STAB2: variants seen among roughly 807,000 people sequenced by gnomAD.
STAB2 encodes the protein stabilin-2.
In STAB2, 288 loss-of-function variants were observed where a neutral mutation model predicts 338.1. That is an observed-to-expected ratio of 0.85 (90% CI 0.77 to 0.94). STAB2 has a LOEUF of 0.94. STAB2 is among the 40% of genes least tolerant of loss of function. The probability of loss-of-function intolerance (pLI) is 0.00; values close to 1 mark genes in which losing one functional copy is unlikely to be tolerated. For synonymous variants in STAB2, 1,202 were observed against 1,193.3 expected (o/e 1.01, Z -0.15); for missense variants, 3,141 against 3,210.1 (o/e 0.98, Z 0.52).
intron 25 of STAB2, among the ~76,000 whole-genome samples, chr12:103,677,960 T>C (rs1367103976): frequency 1.3e-5 from 2 of 152,186 alleles, no homozygotes; most frequent in Non-Finnish European, 2.9e-5. Context: ...TCACTCACTG[T>C]CATTTAATGG....
At chr12:103,729,122 C>T in intron 48 of STAB2, 127 bp downstream of exon 48, 1 of 848,972 alleles carries the variant, frequency 1.2e-6, no homozygotes, top group East Asian at 2.6e-5. Flanking sequence ...GCTGCATGTC[C>T]TCACTTACAA....
chr12:103,676,218 C>CG (rs1433334711), intron 24 of STAB2, among the ~76,000 whole-genome samples, 197 bp downstream of exon 24: 1 of 151,988 alleles, frequency 6.6e-6, no homozygotes, highest in African/African-American at 2.4e-5. Flanking sequence ...CGTGCCACCA[C>CG]CCCGGCTAAT....
chr12:103,677,607 G>T lies in STAB2; in HGVS notation c.2801G>T (p.Gly934Val). 6.2e-7 allele frequency: 1 copy of T among 1,610,494 alleles called. No homozygotes were observed. The highest frequency in any genetic ancestry group is 8.5e-7 in the Non-Finnish European group (1 of 1,176,990). The stretch of plus-strand genomic sequence containing the variant: ...GCATCCTGTTTGTATGTGGGTCCCG[G>T]GCAGGTAGGTTGGATGTCATGAGAG... ...DNASCLYVGP[G>V]QNECECKKGF... is the part of the protein sequence containing the mutation. Residue 934 changes from glycine (G) to valine (V), a missense_variant, in exon 25 of 69, where the codon GGG (glycine) becomes GTG (valine). Coordinates refer to ENST00000388887, the MANE Select transcript of STAB2 (RefSeq NM_017564.10).
In STAB2 at chr12:103,677,564, G is replaced by A. The variant is rs1876500155; in HGVS notation, c.2758G>A (p.Gly920Ser). ...CAACAACTGCCTGCTGCCCAGTGCA[G>A]GCGGCTGCCACGACAACGCATCCTG... ...EINNCLLPSAGGCHDNASCLY... is the reference protein window; with the variant it reads ...EINNCLLPSASGCHDNASCLY... Residue 920 changes from glycine (G) to serine (S), a missense_variant, in exon 25 of 69, where the codon GGC becomes AGC. Physicochemically the swap from Gly to Ser is moderately conservative, Grantham distance 56. Transcript: ENST00000388887. 6.2e-7 allele frequency: 1 copy of A among 1,614,144 alleles called. No individual in the cohort carries two copies. The highest frequency in any genetic ancestry group is 8.5e-7 in the Non-Finnish European group (1 of 1,179,954).
At chr12:103,667,431 G>GT (rs1413677246) in intron 19 of STAB2, among the ~76,000 whole-genome samples, 2 of 152,198 alleles carry the variant, frequency 1.3e-5, no homozygotes, top group African/African-American at 4.8e-5. Context: ...CTAAGGCAAG[G>GT]AAACGTAAAC....
Position 103,759,272 on chromosome 12 carries a change from C to G in STAB2, c.7247C>G (p.Pro2416Arg), listed in dbSNP as rs200872873. 2.7e-5 allele frequency: 44 copies of G among 1,613,924 alleles called. No homozygotes were observed. The East Asian group carries it at 8.2e-4, about 30-fold the overall frequency. ...ACTGCCAGCCAGGACCCACTCCAAC[C>G]GGTACAAAGTCTTCTGGGCTTCTTG... ...LITASQDPLQ[P>R]TETRFVDGRA... The change falls in exon 65 of 69, where the codon CCG (proline) becomes CGG (arginine). Residue 2416 changes from proline (P) to arginine (R), a missense_variant and splice_region_variant. Transcript: ENST00000388887.
chr12:103,677,539 C>T lies in STAB2; in HGVS notation c.2733C>T (p.Ile911=). ...GGAATGGGAGAGACTGCTCGGAGAT[C>T]AACAACTGCCTGCTGCCCAGTGCAG... is the stretch of plus-strand genomic sequence containing the variant. ...WTGNGRDCSE[I]NNCLLPSAGG... The change falls in exon 25 of 69, where the codon ATC becomes ATT. Residue 911 remains isoleucine, a synonymous_variant. Transcript: ENST00000388887. The T allele has an allele frequency of 6.2e-7, 1 of 1,614,184 alleles. No individual in the cohort carries two copies. The highest frequency in any genetic ancestry group is 8.5e-7 in the Non-Finnish European group (1 of 1,180,016).
intron 57 of STAB2, chr12:103,746,379 G>A: frequency 2.3e-6 from 1 of 437,724 alleles, no homozygotes; most frequent in East Asian, 3.8e-5. Flanking sequence ...AAATCTCAAT[G>A]ACATTGCAGA....
At chr12:103,684,864 C>T (rs1398540620) in intron 26 of STAB2, 125 bp from the exon 27 acceptor site, 3 of 778,862 alleles carry the variant, frequency 3.9e-6, no homozygotes, top group Admixed American at 2.1e-5. Context: ...CTATGGGTTA[C>T]TTCTACCATC....
At chr12:103,736,820 T>C (rs1279223864) in intron 52 of STAB2, among the ~76,000 whole-genome samples, 4 of 152,074 alleles carry the variant, frequency 2.6e-5, no homozygotes, top group African/African-American at 9.7e-5. Flanking sequence ...CTCCATCCCA[T>C]CCATAGATGC....
rs118141230 is a variant in STAB2, at chr12:103,596,544, C to G, written c.331+2034C>G. Among the ~76,000 whole-genome samples the G allele has an allele frequency of 3.2e-4, 49 of 152,246 alleles. 1 individual carries two copies. Among genetic ancestry groups the G allele is most frequent in the Admixed American group, 1.3e-3 (20 of 15,284 alleles). Reference sequence around the variant, plus strand: ...TAAAACACTAACCTAGGTGATAAGACTTGGCAAAGTCTATGACAAAAAGAA... The same window carrying G: ...TAAAACACTAACCTAGGTGATAAGAGTTGGCAAAGTCTATGACAAAAAGAA... On this transcript the variant is annotated intron_variant, in intron 3 of 68. Coordinates refer to ENST00000388887, the MANE Select transcript of STAB2 (RefSeq NM_017564.10).
Position 103,654,663 on chromosome 12 carries a change from G to A in STAB2, c.1516G>A (p.Asp506Asn). 1.9e-6 allele frequency: 3 copies of A among 1,614,110 alleles called. No individual in the cohort carries two copies. The highest frequency in any genetic ancestry group is 1.7e-5 in the Admixed American group (1 of 60,016). ...GLLHILDRAM[D>N]KLEPTFESNN... is the part of the protein sequence containing the mutation. Reference sequence around the variant, plus strand: ...TCTGCACATCCTTGACAGAGCCATGGACAAGTTAGAACCCACATTTGAGAG... The same window carrying A: ...TCTGCACATCCTTGACAGAGCCATGAACAAGTTAGAACCCACATTTGAGAG... The change falls in exon 13 of 69, where the codon GAC becomes AAC. Residue 506 changes from aspartate to asparagine, a missense_variant. Transcript: ENST00000388887.
At chr12:103,691,035 C>T (rs1296952476) in intron 30 of STAB2, among the ~76,000 whole-genome samples, 1 of 152,198 alleles carries the variant, frequency 6.6e-6, no homozygotes, top group Non-Finnish European at 1.5e-5. Flanking sequence ...CTACTATGTA[C>T]CAGGCACAGA....
chr12:103,704,429 A>G, intron 35 of STAB2, 129 bp from the exon 36 acceptor site: 2 of 798,958 alleles, frequency 2.5e-6, no homozygotes. Flanking sequence ...TTGTCTCAGA[A>G]CATTAAAGAG....
chr12:103,630,701 C>T (rs988083445), intron 5 of STAB2, among the ~76,000 whole-genome samples: 2 of 152,042 alleles, frequency 1.3e-5, no homozygotes, highest in Non-Finnish European at 2.9e-5. Flanking sequence ...CCATTGTTAG[C>T]CCTGAAGATG....
intron 55 of STAB2, among the ~76,000 whole-genome samples, chr12:103,741,351 A>G (rs1201316015): frequency 6.6e-6 from 1 of 152,220 alleles, no homozygotes; most frequent in Non-Finnish European, 1.5e-5. Context: ...TGTTCTAAGT[A>G]GGCACATTTA....
chr12:103,680,508 A>G (rs1876801499), intron 25 of STAB2, among the ~76,000 whole-genome samples: 1 of 152,160 alleles, frequency 6.6e-6, no homozygotes, highest in Admixed American at 6.5e-5. Flanking sequence ...TCCAATTTAT[A>G]CCATTGCAAC....
chr12:103,679,443 A>G (rs1295296368), intron 25 of STAB2, among the ~76,000 whole-genome samples: 1 of 152,194 alleles, frequency 6.6e-6, no homozygotes, highest in Non-Finnish European at 1.5e-5. Flanking sequence ...AGCTAACAGC[A>G]TGGCATGCTC....
At chr12:103,672,365 G>A (rs903027100) in intron 22 of STAB2, among the ~76,000 whole-genome samples, 3 of 152,200 alleles carry the variant, frequency 2.0e-5, no homozygotes, top group Admixed American at 6.5e-5. Context: ...GAGGCCAGCC[G>A]GGCAGGACAC....
Sources: gnomAD v4.1 joint callset for allele counts (sites outside exome capture counted in the v4.1 genomes callset) on GRCh38, gnomAD v4.1.1 for gene constraint, MANE v1.5 for transcripts, NCBI Gene and HGNC (gene_info 2026-07-23, HGNC 2026-07-21) for gene names.